Variants in NRXN3 observed in about 807,000 individuals in gnomAD.
NRXN3 encodes neurexin III.
Under a neutral mutation model 137.6 loss-of-function variants are expected in NRXN3, and 32 were observed. The observed-to-expected ratio is 0.23, with a 90% confidence interval of 0.18 to 0.31. NRXN3 has a LOEUF of 0.31. Among genes scored for constraint, NRXN3 ranks in the 10% least tolerant of loss-of-function variants. The pLI is 1.00. For synonymous variants in NRXN3, 798 were observed against 784.5 expected, an observed-to-expected ratio of 1.02 and a Z score of -0.29; for missense variants, 1,574 against 2,062.5, an observed-to-expected ratio of 0.76 and a Z score of 4.59.
chr14:79,541,245 A>G (rs971248074), intron 16 of NRXN3, among the ~76,000 whole-genome samples: 1 of 152,178 alleles, frequency 6.6e-6, no homozygotes, highest in African/African-American at 2.4e-5. Flanking sequence ...TCTACTAAAA[A>G]TACAAAAATT....
chr14:78,754,160 GT>G (rs2152958179), intron 8 of NRXN3, among the ~76,000 whole-genome samples: 1 of 152,308 alleles, frequency 6.6e-6, no homozygotes, highest in African/African-American at 2.4e-5. Flanking sequence ...TTAAGCTCGA[GT>G]TTTGCTTTTC....
intron 1 of NRXN3, among the ~76,000 whole-genome samples, chr14:78,228,157 C>CTTTT (rs1156767557): frequency 5.4e-5 from 7 of 130,482 alleles, no homozygotes; most frequent in African/African-American, 8.5e-5. Flanking sequence ...AATTTTCTTT[C>CTTTT]TTTTTTTTTT....
intron 10 of NRXN3, among the ~76,000 whole-genome samples, chr14:78,823,043 C>T (rs944565189): frequency 2.0e-5 from 3 of 152,140 alleles, no homozygotes; most frequent in African/African-American, 4.8e-5. Flanking sequence ...TAACCAGTCT[C>T]GAAGGCATTG....
intron 6 of NRXN3, chr14:78,695,257 A>G (rs1391671749): frequency 6.6e-6 from 1 of 152,038 alleles, no homozygotes; most frequent in Admixed American, 6.6e-5. Context: ...TCACCTCAAG[A>G]TCCCTAACTT....
chr14:78,607,539 T>C (rs1362796441), intron 4 of NRXN3, among the ~76,000 whole-genome samples: 1 of 152,206 alleles, frequency 6.6e-6, no homozygotes, highest in Non-Finnish European at 1.5e-5. Flanking sequence ...GGGTCAATAC[T>C]ATTATCGTGC....
chr14:78,471,475 C>T (rs1025229368), intron 4 of NRXN3, among the ~76,000 whole-genome samples: 3 of 152,160 alleles, frequency 2.0e-5, no homozygotes, highest in African/African-American at 7.2e-5. Flanking sequence ...TTGGTCTAAC[C>T]TATTGTGGCC....
chr14:78,823,567 G>A (rs2098957320), intron 10 of NRXN3, among the ~76,000 whole-genome samples: 1 of 152,146 alleles, frequency 6.6e-6, no homozygotes, highest in South Asian at 2.1e-4. Flanking sequence ...AGAATCATGG[G>A]TTTTATAAAA....
intron 15 of NRXN3, among the ~76,000 whole-genome samples, chr14:79,300,921 A>G (rs573375645): frequency 1.6e-3 from 244 of 152,196 alleles, no homozygotes; most frequent in African/African-American, 5.7e-3. Context: ...TTGCCAGAGC[A>G]GGGATTATAA....
intron 8 of NRXN3, among the ~76,000 whole-genome samples, chr14:78,759,668 G>A (rs986325200): frequency 6.6e-6 from 1 of 152,172 alleles, no homozygotes; most frequent in Admixed American, 6.5e-5. Context: ...TGGCATAGAA[G>A]ATAAATCCTA....
chr14:79,864,740 TGTTTTTC>T lies in NRXN3; in HGVS notation c.*2783_*2789del, dbSNP rs1284843129. On this transcript the variant is annotated 3_prime_UTR_variant, in exon 21 of 21. Coordinates refer to ENST00000335750, the MANE Select transcript of NRXN3 (RefSeq NM_001330195.2). ...GTTTTGTTTGTTTGTTTTTGTTTTT[TGTTTTTC>T]GTTTTTTGTTTGTTTTTTTTTTGAG... 5.3e-5 allele frequency: 8 copies of T among 152,196 alleles called. No individual in the cohort carries two copies. The highest frequency in any genetic ancestry group is 1.7e-4 in the African/African-American group (7 of 41,410). The allele number at this position is 152,196 out of a possible 1,614,324, so 9.4% of individuals were successfully genotyped here.
chr14:78,821,563 A>G (rs1302166016), intron 10 of NRXN3, among the ~76,000 whole-genome samples: 2 of 152,136 alleles, frequency 1.3e-5, no homozygotes, highest in Non-Finnish European at 2.9e-5. Flanking sequence ...TGTCAGATAG[A>G]AAGACAAAGG....
intron 10 of NRXN3, among the ~76,000 whole-genome samples, chr14:78,913,694 G>A (rs188780157): frequency 6.6e-6 from 1 of 152,186 alleles, no homozygotes; most frequent in African/African-American, 2.4e-5. Flanking sequence ...GTTTCTGCTT[G>A]TGCCTTTGTT....
chr14:78,282,072 G>A, intron 3 of NRXN3: 1 of 470,236 alleles, frequency 2.1e-6, no homozygotes, highest in Admixed American at 2.2e-5. Context: ...TCCAAGGAGT[G>A]CAAACTGAGG....
chr14:78,534,395 T>C (rs2096509911), intron 4 of NRXN3, among the ~76,000 whole-genome samples: 2 of 152,202 alleles, frequency 1.3e-5, no homozygotes, highest in Non-Finnish European at 2.9e-5. Flanking sequence ...CACTGAATTT[T>C]TGCATGTGTA....
At chr14:78,447,269 A>G (rs554378148) in intron 4 of NRXN3, among the ~76,000 whole-genome samples, 1 of 152,350 alleles carries the variant, frequency 6.6e-6, no homozygotes, top group South Asian at 2.1e-4. Flanking sequence ...ATGAGATAAC[A>G]GATGCTAAAG....
chr14:78,515,005 C>A (rs1250651364), intron 4 of NRXN3, among the ~76,000 whole-genome samples: 1 of 152,148 alleles, frequency 6.6e-6, no homozygotes, highest in African/African-American at 2.4e-5. Context: ...ATGCTCAGGT[C>A]TGGTCCTACT....
intron 19 of NRXN3, among the ~76,000 whole-genome samples, chr14:79,784,761 A>C (rs2099124321): frequency 6.6e-6 from 1 of 151,848 alleles, no homozygotes; most frequent in African/African-American, 2.4e-5. Context: ...CGGGCTGTTA[A>C]AATTAACTTT....
chr14:78,626,359 A>G (rs978008651), intron 4 of NRXN3, among the ~76,000 whole-genome samples: 2 of 152,230 alleles, frequency 1.3e-5, no homozygotes, highest in Admixed American at 6.5e-5. Context: ...AATGAAATGC[A>G]TCTTTCACAG....
At chr14:79,615,872 T>G (rs1459636474) in intron 16 of NRXN3, among the ~76,000 whole-genome samples, 1 of 152,192 alleles carries the variant, frequency 6.6e-6, no homozygotes, top group Non-Finnish European at 1.5e-5. Context: ...CATATCAATG[T>G]ATTAAAACAG....
Sources: allele counts gnomAD v4.1 joint callset (sites outside exome capture counted in the v4.1 genomes callset), GRCh38; gene constraint gnomAD v4.1.1; transcripts MANE v1.5; gene names NCBI Gene and HGNC (gene_info 2026-07-23, HGNC 2026-07-21).